Variants in VAT1L observed in about 807,000 individuals in gnomAD.
VAT1L encodes the protein vesicle amine transport 1 like.
Under a neutral mutation model 44.1 loss-of-function variants are expected in VAT1L, and 34 were observed. That is an observed-to-expected ratio of 0.77 (90% CI 0.59 to 1.03). VAT1L has a LOEUF of 1.03. VAT1L is among the 50% of genes least tolerant of loss of function. The pLI is 0.00. For synonymous variants in VAT1L, 253 were observed against 202.2 expected (o/e 1.25, Z -2.13); for missense variants, 615 against 538.8 (o/e 1.14, Z -1.40).
intron 3 of VAT1L, among the ~76,000 whole-genome samples, chr16:77,829,775 G>A (rs925420069): frequency 2.0e-5 from 3 of 152,194 alleles, no homozygotes; most frequent in Non-Finnish European, 4.4e-5. Flanking sequence ...TAATCCGGGT[G>A]TGCTCAGTTT....
intron 7 of VAT1L, among the ~76,000 whole-genome samples, chr16:77,923,105 T>C (rs1450233589): frequency 6.6e-6 from 1 of 152,174 alleles, no homozygotes; most frequent in African/African-American, 2.4e-5. Flanking sequence ...CTGCAACCTG[T>C]GTGACCCCCC....
intron 3 of VAT1L, among the ~76,000 whole-genome samples, chr16:77,828,739 C>T (rs2016549758): frequency 6.6e-6 from 1 of 152,142 alleles, no homozygotes; most frequent in Non-Finnish European, 1.5e-5. Context: ...AGAGAAGCTA[C>T]ACTGCTGGCT....
chr16:77,971,155 C>G (rs1040549197), intron 7 of VAT1L, among the ~76,000 whole-genome samples: 2 of 152,142 alleles, frequency 1.3e-5, no homozygotes, highest in African/African-American at 4.8e-5. Flanking sequence ...CCATCCCCAC[C>G]TCAACAGTTG....
In VAT1L at chr16:77,927,603, C is replaced by T. The variant is rs182857164; in HGVS notation, c.1077+42801C>T. On this transcript the variant is annotated intron_variant, in intron 7 of 8. Coordinates refer to ENST00000302536, the MANE Select transcript of VAT1L (RefSeq NM_020927.3). ...AAAAAATTGAAAAACTTTGGCCAGGCGCGGTAGCTTTTGCCTGTAATCCCA... is the reference window on the plus strand; with the variant it reads ...AAAAAATTGAAAAACTTTGGCCAGGTGCGGTAGCTTTTGCCTGTAATCCCA... Among the ~76,000 whole-genome samples, 60 of 152,084 alleles carry T rather than the reference C, an allele frequency of 3.9e-4. No homozygotes were observed. In the East Asian group the frequency reaches 4.7e-3, roughly 12 times the overall value.
chr16:77,822,095 C>A (rs971387996), intron 2 of VAT1L, among the ~76,000 whole-genome samples: 2 of 152,168 alleles, frequency 1.3e-5, no homozygotes, highest in African/African-American at 4.8e-5. Flanking sequence ...AGCTCCCACC[C>A]ACTGCTGCCA....
chr16:77,903,372 A>T (rs1041018326), intron 7 of VAT1L, among the ~76,000 whole-genome samples: 1 of 152,178 alleles, frequency 6.6e-6, no homozygotes, highest in Non-Finnish European at 1.5e-5. Flanking sequence ...TAATTTTGGA[A>T]ATAGACTTTG....
At chr16:77,905,927 T>A (rs2017432288) in intron 7 of VAT1L, among the ~76,000 whole-genome samples, 1 of 152,224 alleles carries the variant, frequency 6.6e-6, no homozygotes, top group Non-Finnish European at 1.5e-5. Context: ...GACTTAATTT[T>A]TTACTTTTCC....
At chr16:77,837,601 G>A (rs995123200) in intron 3 of VAT1L, among the ~76,000 whole-genome samples, 3 of 152,202 alleles carry the variant, frequency 2.0e-5, no homozygotes, top group Middle Eastern at 3.4e-3. Flanking sequence ...AGACAGAAAA[G>A]GGCCAAAACC....
intron 7 of VAT1L, among the ~76,000 whole-genome samples, chr16:77,944,841 G>A (rs981875546): frequency 3.3e-5 from 5 of 152,080 alleles, no homozygotes; most frequent in African/African-American, 1.2e-4. Context: ...TCTGCAGAGT[G>A]GTGAACGGCA....
At chr16:77,829,675 A>G (rs1026769247) in intron 3 of VAT1L, among the ~76,000 whole-genome samples, 7 of 152,188 alleles carry the variant, frequency 4.6e-5, no homozygotes, top group Non-Finnish European at 8.8e-5. Context: ...AAAATAGGTA[A>G]CAGAATGAGA....
At chr16:77,848,705 C>A (rs901124788) in intron 3 of VAT1L, among the ~76,000 whole-genome samples, 27 of 152,190 alleles carry the variant, frequency 1.8e-4, no homozygotes, top group African/African-American at 6.3e-4. Flanking sequence ...CGCAGATGGT[C>A]TGCCTCTAGA....
At position 77,898,573 on chromosome 16, in the gene VAT1L, T is replaced by C. The variant is rs191879764; in HGVS notation, c.1077+13771T>C. 7.6e-3 allele frequency among the ~76,000 whole-genome samples: 1,160 copies of C among 151,796 alleles called. 22 individuals carry two copies. The highest frequency in any genetic ancestry group is 0.026 in the African/African-American group (1,090 of 41,424). ...AAATGAAGATGATAGCAGGGCCTCC[T>C]CTGTGGGGTTGCTGTGAAAATATCA... On this transcript the variant is annotated intron_variant, in intron 7 of 8. Transcript: ENST00000302536.
At chr16:77,963,478 T>C (rs1297762241) in intron 7 of VAT1L, among the ~76,000 whole-genome samples, 2 of 152,156 alleles carry the variant, frequency 1.3e-5, no homozygotes, top group Admixed American at 6.5e-5. Context: ...GGAGCCTTGA[T>C]GTTAACCCTG....
chr16:77,871,347 G>A (rs2017030187), intron 4 of VAT1L, among the ~76,000 whole-genome samples: 1 of 152,068 alleles, frequency 6.6e-6, no homozygotes, highest in Admixed American at 6.5e-5. Context: ...GAAATGCCGA[G>A]AGAGAGGCAT....
chr16:77,864,272 G>T (rs2016946402), intron 4 of VAT1L, among the ~76,000 whole-genome samples: 1 of 152,264 alleles, frequency 6.6e-6, no homozygotes, highest in African/African-American at 2.4e-5. Flanking sequence ...ACGTACAAAG[G>T]TATTACGTTG....
chr16:77,798,745 T>C (rs1433668337), intron 1 of VAT1L, among the ~76,000 whole-genome samples: 2 of 152,130 alleles, frequency 1.3e-5, no homozygotes, highest in South Asian at 2.1e-4. Flanking sequence ...TCATGACATA[T>C]ACAAGAAGAT....
intron 6 of VAT1L, among the ~76,000 whole-genome samples, chr16:77,881,322 G>C (rs553652754): frequency 6.6e-6 from 1 of 152,320 alleles, no homozygotes; most frequent in East Asian, 1.9e-4. Context: ...GGCTATTACA[G>C]CACATAAGAT....
intron 1 of VAT1L, among the ~76,000 whole-genome samples, chr16:77,816,109 A>G (rs2016349969): frequency 1.3e-5 from 2 of 151,910 alleles, no homozygotes; most frequent in Admixed American, 6.6e-5. Context: ...AAATAAAAAG[A>G]GTCCAGGAGC....
chr16:77,825,865 A>AAT (rs1555513064), intron 3 of VAT1L, among the ~76,000 whole-genome samples: 2 of 149,812 alleles, frequency 1.3e-5, no homozygotes, highest in South Asian at 4.2e-4. Flanking sequence ...AAATAAAAAA[A>AAT]AAAAAAAATT....
Sources: allele counts gnomAD v4.1 joint callset (sites outside exome capture counted in the v4.1 genomes callset), GRCh38; gene constraint gnomAD v4.1.1; transcripts MANE v1.5; gene names NCBI Gene and HGNC (gene_info 2026-07-23, HGNC 2026-07-21).